Variants in ADGRD1 observed in about 807,000 individuals in gnomAD.
ADGRD1 encodes the protein G-protein coupled receptor 133.
Under a neutral mutation model 113.4 loss-of-function variants are expected in ADGRD1, and 77 were observed. The observed-to-expected ratio is 0.68, with a 90% confidence interval of 0.57 to 0.82. The LOEUF (loss-of-function observed/expected upper bound fraction) is 0.82. Among genes scored for constraint, ADGRD1 ranks in the 40% least tolerant of loss-of-function variants. ADGRD1 has a pLI of 0.00. For missense variants in ADGRD1, 1,036 were observed against 1,139.1 expected, an observed-to-expected ratio of 0.91 and a Z score of 1.30; for synonymous variants, 474 against 475.0, an observed-to-expected ratio of 1.00 and a Z score of 0.03.
intron 15 of ADGRD1, among the ~76,000 whole-genome samples, chr12:131,101,363 CTTTTTCTTTCTTTCTTTTTT>C (rs1950071967): frequency 1.0e-5 from 1 of 98,498 alleles, no homozygotes; most frequent in East Asian, 2.7e-4. Context: ...TATTTTTTTT[CTTTTTCTTTCTTTCTTTTTT>C]TTTTTTTTTT....
At chr12:130,958,623 G>C (rs1175159366) in intron 2 of ADGRD1, among the ~76,000 whole-genome samples, 1 of 152,172 alleles carries the variant, frequency 6.6e-6, no homozygotes, top group Non-Finnish European at 1.5e-5. Flanking sequence ...TCATGCTCCA[G>C]CTTCCATCCT....
In ADGRD1 at chr12:131,003,114, T is replaced by G. The variant is rs1876597601; in HGVS notation, c.1027-71T>G. On this transcript the variant is annotated intron_variant, in intron 9 of 24. Transcript: ENST00000261654. This position sits in a 1 kb window ranked among gnomAD's most constrained non-coding sequence, Gnocchi z 4.8. Reference sequence around the variant, plus strand: ...GTGGGGAAACTTGATTTTGTGTGCCTGGTGCACCTGCCTGGTGCCCTGGCT... The same window carrying G: ...GTGGGGAAACTTGATTTTGTGTGCCGGGTGCACCTGCCTGGTGCCCTGGCT... 1.7e-6 allele frequency: 2 copies of G among 1,204,484 alleles called. No homozygotes were observed. The highest frequency in any genetic ancestry group is 4.7e-5 in the East Asian group (2 of 42,758). The allele number at this position is 1,204,484 out of a possible 1,614,324, so 74.6% of individuals were successfully genotyped here.
At chr12:131,005,500 A>C (rs1017955265) in intron 11 of ADGRD1, among the ~76,000 whole-genome samples, 7 of 152,054 alleles carry the variant, frequency 4.6e-5, no homozygotes, top group Admixed American at 3.9e-4. Context: ...CCCCTTGAAA[A>C]CCTGCATTCT....
intron 18 of ADGRD1, among the ~76,000 whole-genome samples, chr12:131,111,892 T>A (rs1950353883): frequency 6.6e-6 from 1 of 152,344 alleles, no homozygotes; most frequent in African/African-American, 2.4e-5. Context: ...TTTATAGTGA[T>A]TGTTTTGAAG....
rs2136724479 is a variant in ADGRD1, at chr12:131,002,163, A to G, written c.1027-1022A>G. 3.4e-5 allele frequency among the ~76,000 whole-genome samples: 5 copies of G among 148,050 alleles called. No homozygotes were observed. The Middle Eastern group carries it at 0.014, about 411-fold the overall frequency. On this transcript the variant is annotated intron_variant, in intron 9 of 24. Coordinates refer to ENST00000261654, the MANE Select transcript of ADGRD1 (RefSeq NM_198827.5). The stretch of plus-strand genomic sequence containing the variant: ...GGACAGCCAATGGAAGTATCCAGGC[A>G]GACGTATTTTGTGCATGATTTTAAT...
chr12:130,976,333 G>A (rs974984349), intron 4 of ADGRD1, among the ~76,000 whole-genome samples: 1 of 152,116 alleles, frequency 6.6e-6, no homozygotes, highest in Non-Finnish European at 1.5e-5. Context: ...GGGAAACTGA[G>A]GCCCAGAGAG....
chr12:130,979,817 T>TCTCACACA (rs1491498051), intron 4 of ADGRD1, among the ~76,000 whole-genome samples: 27 of 53,840 alleles, frequency 5.0e-4, no homozygotes, highest in Non-Finnish European at 1.4e-3. Context: ...AGCTAGTGTC[T>TCTCACACA]CACACACACA....
At chr12:130,958,684 C>A (rs903729294) in intron 2 of ADGRD1, among the ~76,000 whole-genome samples, 2 of 152,194 alleles carry the variant, frequency 1.3e-5, no homozygotes, top group Non-Finnish European at 2.9e-5. Flanking sequence ...CTGGCCCTGG[C>A]GCGTCTCCTC....
chr12:131,011,595 G>A (rs1207368747), intron 12 of ADGRD1, among the ~76,000 whole-genome samples: 1 of 152,030 alleles, frequency 6.6e-6, no homozygotes, highest in East Asian at 1.9e-4. Flanking sequence ...TGTTCTGGGA[G>A]GGAGATGATG....
intron 23 of ADGRD1, 97 bp from the exon 24 acceptor site, chr12:131,138,040 G>C (rs1174417918): frequency 1.1e-6 from 1 of 938,850 alleles, no homozygotes; most frequent in Non-Finnish European, 1.7e-6. Flanking sequence ...AACCTCCCTC[G>C]CACATCTGGT....
chr12:131,076,804 C>A lies in ADGRD1; in HGVS notation c.1477C>A (p.Arg493Ser), dbSNP rs775648550. 1.2e-6 allele frequency: 2 copies of A among 1,613,852 alleles called. No homozygotes were observed. Among genetic ancestry groups the A allele is most frequent in the Admixed American group, 1.7e-5 (1 of 60,028 alleles). Reference protein sequence around the residue: ...ITVHLKHRLTRKQHSEATNSS... With the variant: ...ITVHLKHRLTSKQHSEATNSS... ...TGTTTGCTTTCTTTCATTTCAGACA[C>A]GTAAGCAGCACAGTGAGGCCACCAA... is the stretch of plus-strand genomic sequence containing the variant. Residue 493 changes from arginine (R) to serine (S), a missense_variant, in exon 14 of 25, where the codon CGT (arginine) becomes AGT (serine). By Grantham distance (110) the Arg-to-Ser change is moderately radical. Transcript: ENST00000261654.
intron 2 of ADGRD1, among the ~76,000 whole-genome samples, chr12:130,959,563 C>A (rs1488754823): frequency 6.6e-6 from 1 of 152,024 alleles, no homozygotes; most frequent in African/African-American, 2.4e-5. Flanking sequence ...AGAGTGAGAC[C>A]CTGTCTCAAA....
intron 13 of ADGRD1, among the ~76,000 whole-genome samples, chr12:131,031,212 G>A (rs575682845): frequency 1.2e-4 from 19 of 152,212 alleles, no homozygotes; most frequent in Admixed American, 7.2e-4. Flanking sequence ...CCCTTCCTGC[G>A]CCATGTCATT....
At chr12:131,017,146 G>T (rs564085429) in intron 13 of ADGRD1, among the ~76,000 whole-genome samples, 2 of 152,196 alleles carry the variant, frequency 1.3e-5, no homozygotes, top group African/African-American at 4.8e-5. Flanking sequence ...TGCCAGGGCT[G>T]CAGGAGAGCC....
intron 13 of ADGRD1, among the ~76,000 whole-genome samples, chr12:131,025,393 C>T (rs571740987): frequency 6.6e-6 from 1 of 152,286 alleles, no homozygotes; most frequent in South Asian, 2.1e-4. Context: ...TGGCGGCACT[C>T]TGTCACGGGC....
chr12:131,028,640 A>C (rs2048819576), intron 13 of ADGRD1, among the ~76,000 whole-genome samples: 2 of 152,048 alleles, frequency 1.3e-5, no homozygotes, highest in Admixed American at 1.3e-4. Flanking sequence ...GTTGAGACTG[A>C]CCACTGTCCC....
At chr12:131,103,522 G>A (rs1447373788) in intron 15 of ADGRD1, among the ~76,000 whole-genome samples, 9 of 152,226 alleles carry the variant, frequency 5.9e-5, no homozygotes, top group African/African-American at 7.2e-5. Context: ...CTGAGTGTTC[G>A]GGCTTCCCAT....
intron 12 of ADGRD1, among the ~76,000 whole-genome samples, chr12:131,012,819 G>C (rs1422438376): frequency 6.6e-6 from 1 of 152,230 alleles, no homozygotes; most frequent in Non-Finnish European, 1.5e-5. Flanking sequence ...TCCTCAGTCA[G>C]TCAGCGCTTT....
chr12:131,023,859 C>T (rs1429246934), intron 13 of ADGRD1: 3 of 152,216 alleles, frequency 2.0e-5, no homozygotes, highest in African/African-American at 7.2e-5. Flanking sequence ...TCTTCTTCCC[C>T]TTATGTTGAC....
Sources: gnomAD v4.1 joint callset for allele counts (sites outside exome capture counted in the v4.1 genomes callset) on GRCh38, gnomAD v4.1.1 for gene constraint, Gnocchi (gnomAD v3.1) non-coding constraint, MANE v1.5 for transcripts, NCBI Gene and HGNC (gene_info 2026-07-23, HGNC 2026-07-21) for gene names.